Variants in JMJD1C observed in about 807,000 individuals in gnomAD.
The protein encoded by JMJD1C is jumonji domain containing 1C.
In JMJD1C, 31 loss-of-function variants were observed where a neutral mutation model predicts 245.3. The ratio of observed to expected loss-of-function variants is 0.13; its 90% confidence interval spans 0.09 to 0.17. JMJD1C has a LOEUF of 0.17. Ranked by LOEUF, JMJD1C falls within the 10% of genes least tolerant of loss-of-function variation. The pLI is 1.00. For missense variants in JMJD1C, 2,691 were observed against 3,000.2 expected (o/e 0.90, Z 2.41); for synonymous variants, 1,057 against 1,017.4 (o/e 1.04, Z -0.74).
intron 1 of JMJD1C, among the ~76,000 whole-genome samples, chr10:63,447,984 A>C: frequency 6.6e-6 from 1 of 152,040 alleles, no homozygotes. Context: ...AATTTCCTTG[A>C]AACAAAGTCT....
intron 2 of JMJD1C, among the ~76,000 whole-genome samples, chr10:63,309,819 A>C (rs982388858): frequency 1.3e-5 from 2 of 152,176 alleles, no homozygotes; most frequent in African/African-American, 4.8e-5. Flanking sequence ...CAGGAGGCTG[A>C]GGCAGAAGAA....
intron 2 of JMJD1C, among the ~76,000 whole-genome samples, chr10:63,378,502 G>A (rs563740071): frequency 6.6e-6 from 1 of 152,232 alleles, no homozygotes; most frequent in Admixed American, 6.5e-5. Context: ...TGAGGCAGGA[G>A]AACTGCGTGA....
intron 2 of JMJD1C, among the ~76,000 whole-genome samples, chr10:63,311,901 G>A (rs1014788115): frequency 6.6e-6 from 1 of 152,082 alleles, no homozygotes; most frequent in African/African-American, 2.4e-5. Flanking sequence ...AGTTAGGAAT[G>A]TATTAGGTTA....
chr10:63,438,518 T>C (rs1951186845), intron 1 of JMJD1C, among the ~76,000 whole-genome samples: 1 of 152,120 alleles, frequency 6.6e-6, no homozygotes, highest in Non-Finnish European at 1.5e-5. Context: ...TAAAACCACC[T>C]CGTTCATGCC....
intron 2 of JMJD1C, among the ~76,000 whole-genome samples, chr10:63,334,714 G>C (rs1440851464): frequency 1.3e-5 from 2 of 149,432 alleles, no homozygotes; most frequent in Admixed American, 6.7e-5. Context: ...GAATGAGACT[G>C]TGTCTTTTGA....
Position 63,200,644 on chromosome 10 carries a change from C to T in JMJD1C, c.5108G>A (p.Arg1703His), listed in dbSNP as rs1564593724. 2.5e-6 allele frequency: 4 copies of T among 1,613,870 alleles called. No homozygotes were observed. Among genetic ancestry groups the T allele is most frequent in the Non-Finnish European group, 3.4e-6 (4 of 1,179,932 alleles). ...AGTTTGCTTCAGCTTCTTGACTTTA[C>T]GCCAATCTTTCAATACTGAACGAGG... is the stretch of plus-strand genomic sequence containing the variant. ...GIPRSVLKDW[R>H]KVKKLKQTGE... Residue 1703 changes from arginine (R) to histidine (H), a missense_variant, in exon 11 of 26, where the codon CGT (arginine) becomes CAT (histidine). Physicochemically the swap from Arg to His is conservative, Grantham distance 29. Coordinates refer to ENST00000399262, the MANE Select transcript of JMJD1C (RefSeq NM_032776.3).
intron 1 of JMJD1C, among the ~76,000 whole-genome samples, chr10:63,399,475 A>T (rs892720371): frequency 6.6e-6 from 1 of 152,190 alleles, no homozygotes; most frequent in Non-Finnish European, 1.5e-5. Flanking sequence ...GTATACTGAC[A>T]CTTTCAAATA....
At chr10:63,475,014 G>GAAAT (rs140138153) in intron 1 of JMJD1C, among the ~76,000 whole-genome samples, 2,449 of 152,252 alleles carry the variant, frequency 0.016, 32 homozygotes, top group Non-Finnish European at 0.023. Context: ...GAAGGTGCTG[G>GAAAT]AAATGCCCTA....
chr10:63,414,071 C>A (rs2132684913), intron 1 of JMJD1C, among the ~76,000 whole-genome samples: 1 of 151,700 alleles, frequency 6.6e-6, no homozygotes, highest in South Asian at 2.1e-4. Flanking sequence ...ACTGCAAGCC[C>A]CACCTCCTGG....
At chr10:63,265,644 T>C (rs1249175382) in intron 2 of JMJD1C, among the ~76,000 whole-genome samples, 2 of 152,054 alleles carry the variant, frequency 1.3e-5, no homozygotes, top group Non-Finnish European at 2.9e-5. Context: ...AACTTGAAAA[T>C]GAAAACAAAA....
At chr10:63,246,648 A>G (rs1852239337) in intron 3 of JMJD1C, among the ~76,000 whole-genome samples, 1 of 152,228 alleles carries the variant, frequency 6.6e-6, no homozygotes, top group East Asian at 1.9e-4. Flanking sequence ...AATATTTAAA[A>G]ATATAAAAGC....
chr10:63,306,367 G>A (rs905744678), intron 2 of JMJD1C, among the ~76,000 whole-genome samples: 29 of 152,322 alleles, frequency 1.9e-4, no homozygotes, highest in African/African-American at 7.0e-4. Flanking sequence ...TGGAATTACA[G>A]GCGTGAGCCA....
Position 63,254,260 on chromosome 10 carries a change from AC to A in JMJD1C, c.447+10390del, listed in dbSNP as rs1853532597. On this transcript the variant is annotated intron_variant, in intron 3 of 25. Transcript: ENST00000399262. ...CAGCTGAAAAAAAAGAGACTAGAAAACATCTTAATATGGATTACCTGCCGAG... is the reference window on the plus strand; with the variant it reads ...CAGCTGAAAAAAAAGAGACTAGAAAAATCTTAATATGGATTACCTGCCGAG... Among the ~76,000 whole-genome samples, 3 of 152,212 alleles carry A rather than the reference AC, an allele frequency of 2.0e-5. No individual in the cohort carries two copies. In the South Asian group the frequency reaches 6.2e-4, roughly 32 times the overall value.
chr10:63,368,611 T>A (rs902835759), intron 2 of JMJD1C, among the ~76,000 whole-genome samples: 3 of 152,244 alleles, frequency 2.0e-5, no homozygotes, highest in Non-Finnish European at 4.4e-5. Context: ...TAAAACAGCA[T>A]CACGTTGTGA....
chr10:63,411,064 G>A (rs962206626), intron 1 of JMJD1C, among the ~76,000 whole-genome samples: 12 of 152,124 alleles, frequency 7.9e-5, no homozygotes, highest in African/African-American at 2.9e-4. Flanking sequence ...GTGATGTTAT[G>A]GCAGCCCTAG....
At chr10:63,358,096 C>A (rs560705353) in intron 2 of JMJD1C, among the ~76,000 whole-genome samples, 3 of 151,974 alleles carry the variant, frequency 2.0e-5, no homozygotes, top group Admixed American at 6.6e-5. Flanking sequence ...AAGTGAAAAT[C>A]CCAAGTAATT....
chr10:63,234,669 A>G lies in JMJD1C; in HGVS notation c.448-14686T>C, dbSNP rs1328326468. Among the ~76,000 whole-genome samples the G allele has an allele frequency of 2.6e-5, 4 of 151,106 alleles. No individual in the cohort carries two copies. The East Asian group carries it at 7.7e-4, about 29-fold the overall frequency. On this transcript the variant is annotated intron_variant, in intron 3 of 25. Transcript: ENST00000399262. ...AATATTAAGCTGGGCATGGTGGTTCACGCTTGTAATCCTAGCACTTTGGGA... is the reference window on the plus strand; with the variant it reads ...AATATTAAGCTGGGCATGGTGGTTCGCGCTTGTAATCCTAGCACTTTGGGA...
At chr10:63,521,646 C>T in intron 1 of JMJD1C, 1 of 1,216,736 alleles carries the variant, frequency 8.2e-7, no homozygotes. Context: ...GGGAAGGAGC[C>T]GAGAGGAAAG....
intron 11 of JMJD1C, 125 bp from the exon 12 acceptor site, chr10:63,198,852 G>T (rs1195657387): frequency 3.7e-6 from 2 of 533,374 alleles, no homozygotes; most frequent in Admixed American, 7.4e-5. Context: ...TTAAAAACAG[G>T]AAAACAGGTT....
Sources: gnomAD v4.1 joint callset for allele counts (sites outside exome capture counted in the v4.1 genomes callset) on GRCh38, gnomAD v4.1.1 for gene constraint, MANE v1.5 for transcripts, NCBI Gene and HGNC (gene_info 2026-07-23, HGNC 2026-07-21) for gene names.